MGAT5: variants seen among roughly 807,000 people sequenced by gnomAD.
MGAT5 encodes the protein alpha-1,6-mannosylglycoprotein 6-beta-N-acetylglucosaminyltransferase A.
A neutral mutation model predicts 94.3 loss-of-function variants in MGAT5; 30 were observed. The observed-to-expected ratio is 0.32, with a 90% CI of 0.24 to 0.43. MGAT5 has a LOEUF of 0.43. MGAT5 is among the 20% of genes least tolerant of loss of function. The pLI, the probability that MGAT5 is intolerant of heterozygous loss-of-function variation, is 1.00. For synonymous variants in MGAT5, 310 were observed against 322.9 expected (o/e 0.96, Z 0.43); for missense variants, 691 against 905.5 (o/e 0.76, Z 3.04).
At chr2:134,356,593 T>G (rs1679757101) in intron 9 of MGAT5, among the ~76,000 whole-genome samples, 1 of 152,064 alleles carries the variant, frequency 6.6e-6, no homozygotes, top group Non-Finnish European at 1.5e-5. Flanking sequence ...ACTTTAAAAA[T>G]TACAGACCCA....
At chr2:134,390,961 AC>A (rs1166822642) in intron 10 of MGAT5, among the ~76,000 whole-genome samples, 48 of 152,120 alleles carry the variant, frequency 3.2e-4, no homozygotes, top group South Asian at 1.9e-3. Context: ...CTTGTTTCAG[AC>A]CCTAAAGGTC....
chr2:134,217,428 C>T (rs1169623309), intron 1 of MGAT5, among the ~76,000 whole-genome samples: 1 of 152,118 alleles, frequency 6.6e-6, no homozygotes, highest in African/African-American at 2.4e-5. Context: ...GAAACTGAGG[C>T]TCACGGGGCT....
chr2:134,345,188 C>T (rs373413875), intron 8 of MGAT5, 124 bp downstream of exon 8: 13 of 987,288 alleles, frequency 1.3e-5, no homozygotes, highest in South Asian at 1.1e-4. Context: ...GTTGCTCATT[C>T]GTAATTGAAA....
At chr2:134,253,671 G>T (rs544769569), upstream of MGAT5, among the ~76,000 whole-genome samples, 14 of 152,262 alleles carry the variant, frequency 9.2e-5, no homozygotes, top group Middle Eastern at 6.8e-3. Context: ...TCTTCTCTGT[G>T]CTGGTGCACC....
chr2:134,391,688 C>T (rs917357554), intron 10 of MGAT5, among the ~76,000 whole-genome samples: 4 of 152,106 alleles, frequency 2.6e-5, no homozygotes, highest in African/African-American at 9.7e-5. Context: ...ATTTCAATAG[C>T]GGGGATATGA....
chr2:134,332,239 G>C (rs1019010450), intron 4 of MGAT5, among the ~76,000 whole-genome samples: 1 of 151,982 alleles, frequency 6.6e-6, no homozygotes, highest in African/African-American at 2.4e-5. Context: ...CCAAAACAGA[G>C]ATCTAGATCA....
chr2:134,276,318 C>A (rs1439167773), intron 2 of MGAT5, among the ~76,000 whole-genome samples: 2 of 152,146 alleles, frequency 1.3e-5, no homozygotes, highest in Non-Finnish European at 2.9e-5. Flanking sequence ...TGGCAATGTA[C>A]ATTTTACTTC....
chr2:134,369,879 T>C (rs1680678704), intron 10 of MGAT5, among the ~76,000 whole-genome samples: 1 of 152,126 alleles, frequency 6.6e-6, no homozygotes, highest in Non-Finnish European at 1.5e-5. Context: ...TTCAGAGCCC[T>C]AGGGTCTGCT....
intron 10 of MGAT5, among the ~76,000 whole-genome samples, chr2:134,375,463 C>T (rs1246943845): frequency 6.6e-6 from 1 of 152,142 alleles, no homozygotes; most frequent in Non-Finnish European, 1.5e-5. Flanking sequence ...AGTAGTGAAA[C>T]CGAAATGGGC....
intron 5 of MGAT5, 25 bp from the exon 6 acceptor site, chr2:134,338,230 TATTC>T (rs769725122): frequency 6.5e-7 from 1 of 1,547,026 alleles, no homozygotes. Context: ...TTTTATCTTC[TATTC>T]ATTTTATTAA....
intron 1 of MGAT5, among the ~76,000 whole-genome samples, chr2:134,137,295 T>G (rs1686453356): frequency 6.6e-6 from 1 of 152,230 alleles, no homozygotes; most frequent in African/African-American, 2.4e-5. Context: ...GAATTGGGGC[T>G]TGGCTTGGAG....
At chr2:134,149,826 G>T (rs1384337803) in intron 1 of MGAT5, among the ~76,000 whole-genome samples, 1 of 152,240 alleles carries the variant, frequency 6.6e-6, no homozygotes, top group Admixed American at 6.5e-5. Flanking sequence ...AGGCTGAGGG[G>T]CCTGGGGAGG....
intron 10 of MGAT5, among the ~76,000 whole-genome samples, chr2:134,369,254 T>C (rs967934951): frequency 3.3e-5 from 5 of 152,222 alleles, no homozygotes; most frequent in Admixed American, 1.3e-4. Context: ...TGTTCTTTGC[T>C]GACCCCAGGG....
At chr2:134,218,700 C>A (rs1680613226) in intron 1 of MGAT5, among the ~76,000 whole-genome samples, 1 of 152,106 alleles carries the variant, frequency 6.6e-6, no homozygotes, top group African/African-American at 2.4e-5. Flanking sequence ...TGCATTTTAT[C>A]AGCCAAAGCA....
intron 10 of MGAT5, among the ~76,000 whole-genome samples, chr2:134,392,510 G>A (rs549262572): frequency 6.6e-5 from 10 of 152,140 alleles, no homozygotes; most frequent in Non-Finnish European, 1.5e-4. Flanking sequence ...CAAAGAGATC[G>A]TGCCTGGAAT....
chr2:134,318,598 A>G (rs528321704), intron 3 of MGAT5, 52 bp from the exon 4 acceptor site: 1 of 1,307,160 alleles, frequency 7.7e-7, no homozygotes, highest in South Asian at 1.2e-5. Flanking sequence ...CCCTGTCAGC[A>G]GATGTGGAGG....
intron 4 of MGAT5, among the ~76,000 whole-genome samples, chr2:134,323,556 A>G (rs986905084): frequency 6.6e-6 from 1 of 152,080 alleles, no homozygotes; most frequent in African/African-American, 2.4e-5. Context: ...GCTTATCCCC[A>G]AAGTCCTGCA....
chr2:134,254,056 G>T (rs143289201), upstream of MGAT5, among the ~76,000 whole-genome samples: 1 of 152,176 alleles, frequency 6.6e-6, no homozygotes. Flanking sequence ...ACACGCAGAC[G>T]CACACTTCCC....
At chr2:134,215,614 CT>C in intron 1 of MGAT5, among the ~76,000 whole-genome samples, 1 of 152,248 alleles carries the variant, frequency 6.6e-6, no homozygotes, top group South Asian at 2.1e-4. Flanking sequence ...TGCATTAATC[CT>C]ATTCATGAGG....
Sources: allele counts gnomAD v4.1 joint callset (sites outside exome capture counted in the v4.1 genomes callset), GRCh38; gene constraint gnomAD v4.1.1; transcripts MANE v1.5; gene names NCBI Gene and HGNC (gene_info 2026-07-23, HGNC 2026-07-21).